APBA2: variants seen among roughly 807,000 people sequenced by gnomAD.
APBA2 encodes the protein amyloid beta precursor protein binding family A member 2.
In APBA2, 30 loss-of-function variants were observed where a neutral mutation model predicts 75.0. The observed-to-expected ratio is 0.40, with a 90% confidence interval of 0.30 to 0.54. The LOEUF (loss-of-function observed/expected upper bound fraction) is 0.54. Ranked by LOEUF, APBA2 falls within the 20% of genes least tolerant of loss-of-function variation. The probability of loss-of-function intolerance (pLI) is 0.49; values close to 1 mark genes in which losing one functional copy is unlikely to be tolerated. For synonymous variants in APBA2, 444 were observed against 409.6 expected (o/e 1.08, Z -1.01); for missense variants, 801 against 1,016.1 (o/e 0.79, Z 2.88).
At chr15:29,084,279 T>C (rs552170759) in intron 6 of APBA2, among the ~76,000 whole-genome samples, 19 of 152,364 alleles carry the variant, frequency 1.2e-4, no homozygotes, top group Admixed American at 4.6e-4. Context: ...TTCTTCTTGC[T>C]TAATCAGATT....
At chr15:29,079,237 T>C (rs2042982521) in intron 6 of APBA2, among the ~76,000 whole-genome samples, 1 of 151,976 alleles carries the variant, frequency 6.6e-6, no homozygotes, top group Admixed American at 6.6e-5. Flanking sequence ...TTTGTACCCT[T>C]GCAGCTGACC....
chr15:28,954,476 C>A (rs1352158147), intron 2 of APBA2, among the ~76,000 whole-genome samples: 1 of 152,218 alleles, frequency 6.6e-6, no homozygotes, highest in African/African-American at 2.4e-5. Flanking sequence ...ACGTTCCCTT[C>A]TGCAGGTGGC....
chr15:29,057,476 A>G (rs1208027973), intron 4 of APBA2, among the ~76,000 whole-genome samples: 1 of 152,198 alleles, frequency 6.6e-6, no homozygotes, highest in Non-Finnish European at 1.5e-5. Context: ...GAAGATGAAA[A>G]ATGTATTCTC....
chr15:28,915,111 C>T, intron 1 of APBA2, among the ~76,000 whole-genome samples: 2 of 88,212 alleles, frequency 2.3e-5, no homozygotes, highest in Non-Finnish European at 4.8e-5. Flanking sequence ...ACCCACCTCA[C>T]ACACACCACA....
At chr15:28,890,259 A>G (rs757249141) in intron 1 of APBA2, among the ~76,000 whole-genome samples, 103 of 152,182 alleles carry the variant, frequency 6.8e-4, no homozygotes, top group Admixed American at 2.0e-4. Context: ...TGGGAAGGTA[A>G]GCAGCCCAAA....
intron 12 of APBA2, 68 bp from the exon 13 acceptor site, chr15:29,108,202 C>T: frequency 6.2e-7 from 1 of 1,608,472 alleles, no homozygotes; most frequent in East Asian, 2.2e-5. Flanking sequence ...CCCTGCCAGC[C>T]TCGCTCATCC....
intron 2 of APBA2, among the ~76,000 whole-genome samples, chr15:28,934,667 C>T (rs1477358775): frequency 1.3e-5 from 2 of 152,114 alleles, no homozygotes; most frequent in Non-Finnish European, 2.9e-5. Context: ...ACTTGTCATT[C>T]TCAGTATTTT....
chr15:29,015,256 T>C (rs576617517), intron 3 of APBA2, among the ~76,000 whole-genome samples: 1 of 152,338 alleles, frequency 6.6e-6, no homozygotes, highest in East Asian at 1.9e-4. Flanking sequence ...AGCTGTCTTT[T>C]CCAGAGTGGA....
intron 3 of APBA2, among the ~76,000 whole-genome samples, chr15:28,997,940 G>A (rs2038621216): frequency 6.6e-6 from 1 of 152,154 alleles, no homozygotes; most frequent in African/African-American, 2.4e-5. Flanking sequence ...CAGCAGAAAA[G>A]CATATTCCTT....
At chr15:29,037,390 C>T (rs965777504) in intron 3 of APBA2, among the ~76,000 whole-genome samples, 1 of 152,102 alleles carries the variant, frequency 6.6e-6, no homozygotes, top group Non-Finnish European at 1.5e-5. Context: ...AGGGACCAGG[C>T]AAACAGCCTG....
intron 3 of APBA2, among the ~76,000 whole-genome samples, chr15:29,020,732 C>A (rs551361340): frequency 2.0e-5 from 3 of 152,084 alleles, no homozygotes; most frequent in Non-Finnish European, 4.4e-5. Context: ...ATTGCTTGAA[C>A]CCGGGAGGCA....
In APBA2 at chr15:29,054,808, A is replaced by G. The variant is rs1375717154; in HGVS notation, c.924A>G (p.Glu308=). ...TCAAGCCCAAGACCAGGACCCCAGA[A>G]GAGAGGCTGAAGTGGCCCCACGAGC... ...RGFKPKTRTP[E]ERLKWPHEQV... Residue 308 remains glutamate (E), a synonymous_variant, in exon 4 of 15, where the codon GAA becomes GAG. Transcript: ENST00000683413. This position sits in a 1 kb window ranked among gnomAD's most constrained non-coding sequence, Gnocchi z 6.1. 2 of 1,600,658 alleles carry G rather than the reference A, an allele frequency of 1.2e-6. No homozygotes were observed. The highest frequency in any genetic ancestry group is 3.3e-5 in the Admixed American group (2 of 59,992).
At chr15:29,082,518 C>T (rs187929435) in intron 6 of APBA2, among the ~76,000 whole-genome samples, 21 of 152,274 alleles carry the variant, frequency 1.4e-4, no homozygotes, top group Admixed American at 9.2e-4. Flanking sequence ...CCCCTCAGCC[C>T]CTGGCAATTG....
intron 2 of APBA2, among the ~76,000 whole-genome samples, chr15:28,946,407 T>C (rs1422945983): frequency 6.6e-6 from 1 of 152,120 alleles, no homozygotes; most frequent in East Asian, 1.9e-4. Flanking sequence ...GTGATGCACT[T>C]TGAAGATGGA....
Position 29,002,991 on chromosome 15 carries a change from G to A in APBA2, c.-41+7185G>A, listed in dbSNP as rs7166200. On this transcript the variant is annotated intron_variant, in intron 3 of 14. Coordinates refer to ENST00000683413, the MANE Select transcript of APBA2 (RefSeq NM_001353788.2). ...ACAAGCGTGTATATATAACTGAAGC[G>A]TGGACAGAGGAAGCAGCGTGGCTGG... Among the ~76,000 whole-genome samples, 1,003 of 152,260 alleles carry A rather than the reference G, an allele frequency of 6.6e-3. 13 individuals carry two copies. The highest frequency in any genetic ancestry group is 0.023 in the African/African-American group (957 of 41,542).
chr15:29,019,712 G>A (rs920467691), intron 3 of APBA2, among the ~76,000 whole-genome samples: 3 of 152,182 alleles, frequency 2.0e-5, no homozygotes, highest in Admixed American at 2.0e-4. Context: ...AGGCTTCCAG[G>A]GACCGTGTGT....
intron 3 of APBA2, among the ~76,000 whole-genome samples, chr15:29,013,273 C>CTTTTTTTTTTTTTTTTTTT: frequency 1.2e-5 from 1 of 85,848 alleles, no homozygotes; most frequent in Non-Finnish European, 2.2e-5. Context: ...ATGAGTCATT[C>CTTTTTTTTTTTTTTTTTTT]TTTTTTTTTT....
rs1247560274 is a variant in APBA2 at position 29,117,167 on chromosome 15, G to A, written c.*34G>A. The A allele has an allele frequency of 6.9e-6, 11 of 1,605,390 alleles. 1 individual carries two copies. Among genetic ancestry groups the A allele is most frequent in the South Asian group, 2.2e-5 (2 of 90,934 alleles). On this transcript the variant is annotated 3_prime_UTR_variant, in exon 15 of 15. Coordinates refer to ENST00000683413, the MANE Select transcript of APBA2 (RefSeq NM_001353788.2). ...AGCCTGGCCACGCAGCCAGGACACC[G>A]GGCAGGGCCGCCCGGGCCCAGAGGA...
chr15:28,915,265 C>G (rs1174204236), intron 1 of APBA2, among the ~76,000 whole-genome samples: 40 of 134,614 alleles, frequency 3.0e-4, no homozygotes, highest in East Asian at 4.6e-4. Context: ...CACACATAGC[C>G]CATACACACC....
Sources: gnomAD v4.1 joint callset for allele counts (sites outside exome capture counted in the v4.1 genomes callset) on GRCh38, gnomAD v4.1.1 for gene constraint, Gnocchi (gnomAD v3.1) non-coding constraint, MANE v1.5 for transcripts, NCBI Gene and HGNC (gene_info 2026-07-23, HGNC 2026-07-21) for gene names.